The following SPATA16 variants were observed in gnomAD, a reference collection of about 807,000 sequenced individuals.
The protein encoded by SPATA16 is spermatogenesis associated 16.
In SPATA16, 36 loss-of-function variants were observed where a neutral mutation model predicts 63.3. That is an observed-to-expected ratio of 0.57 (90% CI 0.44 to 0.75). SPATA16 has a LOEUF of 0.75. SPATA16 is among the 30% of genes least tolerant of loss of function. The pLI is 0.00. For synonymous variants in SPATA16, 203 were observed against 216.7 expected (o/e 0.94, Z 0.56); for missense variants, 646 against 679.3 (o/e 0.95, Z 0.54).
At chr3:172,955,884 C>T (rs1733581133) in intron 6 of SPATA16, among the ~76,000 whole-genome samples, 1 of 152,078 alleles carries the variant, frequency 6.6e-6, no homozygotes, top group African/African-American at 2.4e-5. Flanking sequence ...GAGTGTCTGG[C>T]ACCTTAATAG....
At chr3:172,902,133 G>A (rs970228261) in intron 10 of SPATA16, among the ~76,000 whole-genome samples, 1 of 152,198 alleles carries the variant, frequency 6.6e-6, no homozygotes, top group Non-Finnish European at 1.5e-5. Flanking sequence ...CGCCTCTCGG[G>A]TTCAAGTGAT....
intron 9 of SPATA16, among the ~76,000 whole-genome samples, chr3:172,915,749 T>C (rs1732469098): frequency 6.6e-6 from 1 of 152,212 alleles, no homozygotes. Context: ...TCTGGTTTTC[T>C]GAATAAACTC....
chr3:172,955,641 C>A (rs991811814), intron 6 of SPATA16, among the ~76,000 whole-genome samples: 2 of 152,004 alleles, frequency 1.3e-5, no homozygotes, highest in South Asian at 4.1e-4. Context: ...CCTTGAAGAG[C>A]GTGAGGGAAT....
chr3:172,988,313 G>A (rs1349609957), intron 4 of SPATA16, among the ~76,000 whole-genome samples: 2 of 152,178 alleles, frequency 1.3e-5, no homozygotes, highest in Non-Finnish European at 2.9e-5. Flanking sequence ...GTAAAGTGAC[G>A]TAAAACATCT....
intron 6 of SPATA16, among the ~76,000 whole-genome samples, chr3:172,955,319 A>G (rs894197822): frequency 6.6e-6 from 1 of 152,192 alleles, no homozygotes; most frequent in African/African-American, 2.4e-5. Context: ...GAAATAGCTG[A>G]ATCGAACTCA....
Position 173,048,070 on chromosome 3 carries a change from T to C in SPATA16, c.758+879A>G, listed in dbSNP as rs149629801. On this transcript the variant is annotated intron_variant, in intron 3 of 10. Transcript: ENST00000351008. ...TGAGTCTTAATATAACCGATAATCA[T>C]GTTCCCCAGTTGGTTATTAAGAAAG... Among the ~76,000 whole-genome samples, 56 of 152,214 alleles carry C rather than the reference T, an allele frequency of 3.7e-4. 1 individual carries two copies. The highest frequency in any genetic ancestry group is 1.3e-3 in the African/African-American group (52 of 41,576).
At chr3:173,131,983 A>G (rs1178158983) in intron 1 of SPATA16, among the ~76,000 whole-genome samples, 1 of 152,176 alleles carries the variant, frequency 6.6e-6, no homozygotes, top group Non-Finnish European at 1.5e-5. Context: ...AACAAATGAA[A>G]AAGTAAACAC....
At chr3:173,065,742 C>A (rs747629270) in intron 2 of SPATA16, among the ~76,000 whole-genome samples, 1 of 152,188 alleles carries the variant, frequency 6.6e-6, no homozygotes, top group Non-Finnish European at 1.5e-5. Flanking sequence ...AAACTCAGTG[C>A]TGCCCTGTCA....
intron 2 of SPATA16, among the ~76,000 whole-genome samples, chr3:173,055,359 C>T (rs1442690576): frequency 6.6e-6 from 1 of 152,180 alleles, no homozygotes; most frequent in African/African-American, 2.4e-5. Flanking sequence ...ATAATAGCTC[C>T]AAACTGAAAG....
intron 5 of SPATA16, among the ~76,000 whole-genome samples, chr3:172,974,028 T>C (rs1439864887): frequency 6.6e-6 from 1 of 152,164 alleles, no homozygotes; most frequent in East Asian, 1.9e-4. Context: ...AGCTGTCATA[T>C]AGTATAGTGC....
At chr3:173,060,584 C>A (rs1395757244) in intron 2 of SPATA16, among the ~76,000 whole-genome samples, 6 of 152,116 alleles carry the variant, frequency 3.9e-5, no homozygotes, top group Non-Finnish European at 8.8e-5. Flanking sequence ...AAGATATTTT[C>A]ATTTGCAAAA....
intron 3 of SPATA16, among the ~76,000 whole-genome samples, chr3:173,026,379 C>T (rs1359158199): frequency 2.0e-5 from 3 of 151,740 alleles, no homozygotes; most frequent in Non-Finnish European, 4.4e-5. Flanking sequence ...TTCTCTGAGT[C>T]TGTGGCTTGT....
intron 10 of SPATA16, among the ~76,000 whole-genome samples, chr3:172,899,822 G>A (rs986549713): frequency 1.5e-4 from 23 of 152,046 alleles, no homozygotes; most frequent in African/African-American, 5.1e-4. Context: ...GTGTGTGTAC[G>A]TAAAATATGT....
intron 6 of SPATA16, 126 bp downstream of exon 6, chr3:172,956,551 A>C: frequency 2.9e-6 from 3 of 1,017,428 alleles, no homozygotes; most frequent in Non-Finnish European, 4.3e-6. Context: ...TTTCCGTTTC[A>C]AGTCATCAGA....
At chr3:172,937,073 A>C (rs147134987) in intron 6 of SPATA16, among the ~76,000 whole-genome samples, 1 of 152,180 alleles carries the variant, frequency 6.6e-6, no homozygotes, top group South Asian at 2.1e-4. Flanking sequence ...TCAGAATTGA[A>C]TTGCAATATC....
intron 2 of SPATA16, among the ~76,000 whole-genome samples, chr3:173,100,171 G>A (rs933296937): frequency 6.6e-6 from 1 of 152,164 alleles, no homozygotes; most frequent in African/African-American, 2.4e-5. Flanking sequence ...GAAATGCTGA[G>A]CAGGCCCCTT....
intron 5 of SPATA16, among the ~76,000 whole-genome samples, chr3:172,973,730 G>T (rs1251005172): frequency 6.6e-6 from 1 of 152,126 alleles, no homozygotes; most frequent in Non-Finnish European, 1.5e-5. Flanking sequence ...AATAAAATTA[G>T]TGTAGGACCA....
intron 3 of SPATA16, among the ~76,000 whole-genome samples, chr3:173,031,606 C>T (rs771546438): frequency 1.3e-5 from 2 of 151,906 alleles, no homozygotes; most frequent in Non-Finnish European, 2.9e-5. Flanking sequence ...TGGCATAGTA[C>T]TAAATCTCAA....
chr3:172,969,194 C>T (rs1475422386), intron 5 of SPATA16, among the ~76,000 whole-genome samples: 1 of 152,112 alleles, frequency 6.6e-6, no homozygotes, highest in African/African-American at 2.4e-5. Context: ...TGACTTACAT[C>T]ATGGGGAGAA....
Sources: gnomAD v4.1 joint callset for allele counts (sites outside exome capture counted in the v4.1 genomes callset) on GRCh38, gnomAD v4.1.1 for gene constraint, MANE v1.5 for transcripts, NCBI Gene and HGNC (gene_info 2026-07-23, HGNC 2026-07-21) for gene names.